SLC9A8: variants seen among roughly 807,000 people sequenced by gnomAD.
SLC9A8 encodes the protein sodium/hydrogen exchanger 8.
A neutral mutation model predicts 66.6 loss-of-function variants in SLC9A8; 48 were observed. The observed-to-expected ratio is 0.72, with a 90% CI of 0.57 to 0.92. SLC9A8 has a LOEUF of 0.92. Among genes scored for constraint, SLC9A8 ranks in the 40% least tolerant of loss-of-function variants. SLC9A8 has a pLI of 0.00. For synonymous variants in SLC9A8, 274 were observed against 282.6 expected (o/e 0.97, Z 0.31); for missense variants, 599 against 747.3 (o/e 0.80, Z 2.31).
chr20:49,831,863 C>T (rs1292134887), intron 3 of SLC9A8, among the ~76,000 whole-genome samples: 1 of 152,220 alleles, frequency 6.6e-6, no homozygotes, highest in African/African-American at 2.4e-5. Context: ...GCCTTCGCTG[C>T]CTGGAAGTGA....
Position 49,881,037 on chromosome 20 carries a change from TAAGTCA to T in SLC9A8, c.1270+5_1270+10del. On this transcript the variant is annotated splice_donor_5th_base_variant and intron_variant, in intron 13 of 15. Transcript: ENST00000361573. The stretch of plus-strand genomic sequence containing the variant: ...TGATGTTCATCATGTGGTTTAGTGG[TAAGTCA>T]AATCTTGGATAAATGGGGTGGGGAA... 2.5e-6 allele frequency: 4 copies of T among 1,598,776 alleles called. No individual in the cohort carries two copies. The highest frequency in any genetic ancestry group is 2.6e-6 in the Non-Finnish European group (3 of 1,166,028).
At chr20:49,850,753 G>A (rs1474790861) in intron 6 of SLC9A8, 57 bp from the exon 7 acceptor site, 3 of 1,595,474 alleles carry the variant, frequency 1.9e-6, no homozygotes, top group South Asian at 2.3e-5. Context: ...AATCTTGGCT[G>A]TTCTCCAGGG....
intron 7 of SLC9A8, among the ~76,000 whole-genome samples, chr20:49,851,143 G>A (rs1200430693): frequency 2.0e-5 from 3 of 152,194 alleles, no homozygotes; most frequent in Non-Finnish European, 4.4e-5. Flanking sequence ...CGCGTACACT[G>A]TACCATTGTC....
At chr20:49,855,943 A>G (rs1350593497) in intron 8 of SLC9A8, among the ~76,000 whole-genome samples, 1 of 152,010 alleles carries the variant, frequency 6.6e-6, no homozygotes, top group Non-Finnish European at 1.5e-5. Context: ...GGCACGTGCC[A>G]TCACGCCCAG....
chr20:49,815,450 C>A, intron 2 of SLC9A8: 1 of 320,776 alleles, frequency 3.1e-6, no homozygotes, highest in Non-Finnish European at 5.6e-6. Context: ...AAAATTTTGG[C>A]CTAGAAAGAA....
At chr20:49,856,614 G>A (rs1217923115) in intron 8 of SLC9A8, among the ~76,000 whole-genome samples, 1 of 152,164 alleles carries the variant, frequency 6.6e-6, no homozygotes, top group East Asian at 1.9e-4. Context: ...CTGAGGTCAG[G>A]AGTTCAAGAC....
intron 3 of SLC9A8, among the ~76,000 whole-genome samples, chr20:49,827,657 C>T (rs1014268116): frequency 1.5e-4 from 23 of 151,262 alleles, no homozygotes; most frequent in Non-Finnish European, 5.9e-5. Context: ...GTATGGCCAG[C>T]ATCCTCTGTT....
At chr20:49,816,277 G>C (rs2086543715) in intron 2 of SLC9A8, among the ~76,000 whole-genome samples, 1 of 151,804 alleles carries the variant, frequency 6.6e-6, no homozygotes, top group Non-Finnish European at 1.5e-5. Context: ...AAAATTAGCT[G>C]GGCGTGGTGG....
intron 8 of SLC9A8, among the ~76,000 whole-genome samples, chr20:49,857,488 C>T (rs1305843292): frequency 2.0e-5 from 3 of 152,168 alleles, no homozygotes; most frequent in African/African-American, 4.8e-5. Flanking sequence ...GAGGCTGAGG[C>T]GGATGGATCA....
intron 13 of SLC9A8, 105 bp from the exon 14 acceptor site, chr20:49,883,741 T>C: frequency 1.2e-6 from 1 of 840,230 alleles, no homozygotes; most frequent in East Asian, 2.6e-5. Context: ...GCCATTAGAA[T>C]AGTCAGCTGG....
intron 3 of SLC9A8, among the ~76,000 whole-genome samples, chr20:49,825,262 T>A (rs914926551): frequency 3.3e-5 from 5 of 152,250 alleles, no homozygotes; most frequent in African/African-American, 1.2e-4. Flanking sequence ...TAAGCCATTT[T>A]TAGTCTAGGT....
chr20:49,879,823 T>C lies in SLC9A8; in HGVS notation c.1159-1101T>C, dbSNP rs986743883. On this transcript the variant is annotated intron_variant, in intron 12 of 15. Transcript: ENST00000361573. ...TCAAAAAAAAAAAAAACTCTCAAATTCATGCTTGTTAAAGGAATAAACTTA... is the reference window on the plus strand; with the variant it reads ...TCAAAAAAAAAAAAAACTCTCAAATCCATGCTTGTTAAAGGAATAAACTTA... 2.4e-4 allele frequency among the ~76,000 whole-genome samples: 36 copies of C among 151,568 alleles called. 1 individual carries two copies. Among genetic ancestry groups the C allele is most frequent in the Non-Finnish European group, 1.8e-4 (12 of 67,942 alleles).
chr20:49,879,113 T>C (rs779233140), intron 12 of SLC9A8, among the ~76,000 whole-genome samples: 2 of 151,826 alleles, frequency 1.3e-5, no homozygotes, highest in Non-Finnish European at 2.9e-5. Flanking sequence ...GCATGGAAGA[T>C]TGGATTTCAG....
Position 49,837,126 on chromosome 20 carries a change from C to A in SLC9A8, c.290-2415C>A, listed in dbSNP as rs568918057. 1.1e-4 allele frequency among the ~76,000 whole-genome samples: 17 copies of A among 152,300 alleles called. 1 individual carries two copies. In the South Asian group the frequency reaches 3.5e-3, roughly 32 times the overall value. On this transcript the variant is annotated intron_variant, in intron 3 of 15. Transcript: ENST00000361573. The stretch of plus-strand genomic sequence containing the variant: ...TTCCTTTGGAAAGGCTAATCAGAAA[C>A]TCAAAAGAATGAAACTGTTTGTCTC...
rs770650964 is a variant in SLC9A8, at chr20:49,877,985, A to G, written c.1080A>G (p.Thr360=). The change falls in exon 12 of 16, where the codon ACA becomes ACG. Residue 360 remains threonine (T), a synonymous_variant. Transcript: ENST00000361573. Reference sequence around the variant, plus strand: ...CCATTCTTTGGTTTGTTTCAGAAACATGTGTGTTTGCATTTCTTGGCCTGT... The same window carrying G: ...CCATTCTTTGGTTTGTTTCAGAAACGTGTGTGTTTGCATTTCTTGGCCTGT... ...TLRTVAFLCE[T]CVFAFLGLSI... is the part of the protein sequence containing the mutation. 31 of 1,594,624 alleles carry G rather than the reference A, an allele frequency of 1.9e-5. No homozygotes were observed. Among genetic ancestry groups the G allele is most frequent in the Non-Finnish European group, 2.4e-5 (28 of 1,174,816 alleles).
At chr20:49,817,722 A>G (rs1416219601) in intron 2 of SLC9A8, among the ~76,000 whole-genome samples, 2 of 152,224 alleles carry the variant, frequency 1.3e-5, no homozygotes, top group Non-Finnish European at 1.5e-5. Flanking sequence ...ATAAACCGAT[A>G]CTGAAAAAGT....
At chr20:49,824,865 G>T (rs770819414) in intron 3 of SLC9A8, among the ~76,000 whole-genome samples, 25 of 152,218 alleles carry the variant, frequency 1.6e-4, no homozygotes, top group Non-Finnish European at 3.1e-4. Flanking sequence ...AGAGGGGTAG[G>T]GGCGGCAAGG....
rs772556752 is a variant in SLC9A8, at chr20:49,887,860, C to T, written c.1670C>T (p.Thr557Ile). ...DLHHGRIQMK[T>I]LTNKWYEEVR... ...CACCACGGGCGCATCCAGATGAAAA[C>T]TCTCACCAACAAGTGGTACGAGGAG... The change falls in exon 16 of 16, where the codon ACT becomes ATT. Residue 557 changes from threonine to isoleucine, a missense_variant. Thr to Ile is a moderately conservative substitution (Grantham distance 89). Around this residue, in one of 2 missense-constraint regions of SLC9A8, gnomAD observed 467 missense variants for 626.5 expected, o/e 0.75. Coordinates refer to ENST00000361573, the MANE Select transcript of SLC9A8 (RefSeq NM_015266.3). 4 of 1,612,652 alleles carry T rather than the reference C, an allele frequency of 2.5e-6. No homozygotes were observed. Among genetic ancestry groups the T allele is most frequent in the South Asian group, 2.2e-5 (2 of 90,900 alleles).
At chr20:49,860,702 CAG>C (rs1169913949) in intron 8 of SLC9A8, among the ~76,000 whole-genome samples, 3 of 152,152 alleles carry the variant, frequency 2.0e-5, no homozygotes, top group African/African-American at 7.2e-5. Flanking sequence ...GCCTGAGCAA[CAG>C]AGCGAGACTC....
Sources: allele counts gnomAD v4.1 joint callset (sites outside exome capture counted in the v4.1 genomes callset), GRCh38; gene constraint gnomAD v4.1.1; regional missense constraint gnomAD v4.1.1; transcripts MANE v1.5; gene names NCBI Gene and HGNC (gene_info 2026-07-23, HGNC 2026-07-21).